Variants in ATF3 observed in about 807,000 individuals in gnomAD.
ATF3 encodes cyclic AMP-dependent transcription factor ATF-3.
A neutral mutation model predicts 18.4 loss-of-function variants in ATF3; 10 were observed. The observed-to-expected ratio is 0.54, with a 90% CI of 0.34 to 0.92. ATF3 has a LOEUF of 0.92. Among genes scored for constraint, ATF3 ranks in the 40% least tolerant of loss-of-function variants. ATF3 has a pLI of 0.02. For synonymous variants in ATF3, 78 were observed against 87.9 expected, an observed-to-expected ratio of 0.89 and a Z score of 0.63; for missense variants, 183 against 222.3, an observed-to-expected ratio of 0.82 and a Z score of 1.12.
At chr1:212,597,427 C>T (rs1038515385) in intron 1 of ATF3, among the ~76,000 whole-genome samples, 9 of 151,972 alleles carry the variant, frequency 5.9e-5, no homozygotes, top group African/African-American at 1.7e-4. Flanking sequence ...ATTTATCTAT[C>T]TATCTATCTA....
chr1:212,571,060 A>G (rs1664470374), intron 1 of ATF3, among the ~76,000 whole-genome samples: 1 of 152,220 alleles, frequency 6.6e-6, no homozygotes, highest in African/African-American at 2.4e-5. Context: ...CAAAGGTGTT[A>G]TACCATTGTA....
chr1:212,603,726 G>A (rs150992355), intron 1 of ATF3, among the ~76,000 whole-genome samples: 1 of 151,928 alleles, frequency 6.6e-6, no homozygotes, highest in South Asian at 2.1e-4. Flanking sequence ...TCTACTTCTT[G>A]AGTGGTGAGT....
upstream of ATF3, among the ~76,000 whole-genome samples, chr1:212,608,334 C>T (rs1571781926): frequency 8.3e-6 from 1 of 119,934 alleles, no homozygotes; most frequent in Admixed American, 1.1e-4. Context: ...ACCTTCCCCG[C>T]CCCCCCCGCT....
upstream of ATF3, among the ~76,000 whole-genome samples, chr1:212,604,637 C>A (rs1654570968): frequency 6.6e-6 from 1 of 152,126 alleles, no homozygotes; most frequent in South Asian, 2.1e-4. Flanking sequence ...CTATTCAGTG[C>A]CTTACCTATG....
chr1:212,569,099 AT>A (rs1664434399), intron 1 of ATF3, among the ~76,000 whole-genome samples: 1 of 152,062 alleles, frequency 6.6e-6, no homozygotes, highest in South Asian at 2.1e-4. Context: ...ACTTATTTGA[AT>A]TTTTCCCCTG....
intron 1 of ATF3, among the ~76,000 whole-genome samples, chr1:212,586,921 T>G (rs948337634): frequency 6.6e-6 from 1 of 152,186 alleles, no homozygotes; most frequent in Non-Finnish European, 1.5e-5. Context: ...GAAAGTACAA[T>G]GAGCAGCTTC....
At chr1:212,610,626 T>C (rs1218911664) in intron 1 of ATF3, among the ~76,000 whole-genome samples, 3 of 152,222 alleles carry the variant, frequency 2.0e-5, no homozygotes, top group Non-Finnish European at 4.4e-5. Flanking sequence ...TCTCTCTCTC[T>C]TCCTCCTTGC....
chr1:212,611,101 CATA>C (rs1456515077), intron 1 of ATF3, among the ~76,000 whole-genome samples: 1 of 152,218 alleles, frequency 6.6e-6, no homozygotes, highest in Non-Finnish European at 1.5e-5. Flanking sequence ...GGAGGAAGGA[CATA>C]GCCAAGATGC....
chr1:212,576,716 C>CTT lies in ATF3; in HGVS notation c.-5+11236_-5+11237dup, dbSNP rs761124416. Among the ~76,000 whole-genome samples the CTT allele has an allele frequency of 7.1e-3, 551 of 78,046 alleles. 48 individuals are homozygous for CTT. The highest frequency in any genetic ancestry group is 8.6e-3 in the African/African-American group (167 of 19,482). 51.2% of individuals were successfully genotyped at this position (78,046 alleles called of 152,430 possible). A position where few individuals can be genotyped will look rare whatever the true frequency, so the allele number is the denominator to read the frequency against. On this transcript the variant is annotated intron_variant, in intron 1 of 3. Transcript: ENST00000366981. ...TTATTAAAAAATATTCTTTTCTTTT[C>CTT]TTTTCTTTTTTTTTTTTTTTTTTTT...
In ATF3 at chr1:212,615,138, C is replaced by T. The variant is rs1655056578; in HGVS notation, c.117C>T (p.Pro39=). ...LVFEDFANLT[P]FVKEELRFAI... ...TTGAGGATTTTGCTAACCTGACGCC[C>T]TTTGTCAAGGAAGAGCTGAGGTTTG... The change falls in exon 2 of 4, where the codon CCC becomes CCT. Residue 39 remains proline, a synonymous_variant. Coordinates refer to ENST00000341491, the MANE Select transcript of ATF3 (RefSeq NM_001674.4). 3 of 1,614,068 alleles carry T rather than the reference C, an allele frequency of 1.9e-6. No individual in the cohort carries two copies. The highest frequency in any genetic ancestry group is 1.3e-5 in the African/African-American group (1 of 74,906).
chr1:212,583,378 A>C (rs1198001754), intron 1 of ATF3, among the ~76,000 whole-genome samples: 1 of 152,122 alleles, frequency 6.6e-6, no homozygotes, highest in Admixed American at 6.5e-5. Flanking sequence ...TCTCTTTATC[A>C]GTCAAGATGC....
At chr1:212,583,644 A>T (rs1057503546) in intron 1 of ATF3, among the ~76,000 whole-genome samples, 5 of 152,122 alleles carry the variant, frequency 3.3e-5, no homozygotes, top group Non-Finnish European at 7.4e-5. Context: ...AAACACGACC[A>T]CTGTCGGAAC....
intron 1 of ATF3, among the ~76,000 whole-genome samples, chr1:212,611,981 T>G (rs1314282460): frequency 2.0e-5 from 3 of 152,180 alleles, no homozygotes; most frequent in Non-Finnish European, 4.4e-5. Context: ...ATCTCAACTT[T>G]CTGAAAAATT....
upstream of ATF3, among the ~76,000 whole-genome samples, chr1:212,607,390 C>T (rs1654666911): frequency 6.6e-6 from 1 of 152,252 alleles, no homozygotes; most frequent in Non-Finnish European, 1.5e-5. Context: ...CTTGTGTCTA[C>T]AAATAGTCAT....
rs145316434 is a variant in ATF3 at position 212,581,565 on chromosome 1, C to T, written c.-5+16082C>T. On this transcript the variant is annotated intron_variant, in intron 1 of 3. Coordinates refer to the ATF3 transcript ENST00000366981. ...CAAAAACTGTTTGTGGTTCCTTAGA[C>T]ACTTGCACTGCAATAGAAAATTATA... is the stretch of plus-strand genomic sequence containing the variant. Among the ~76,000 whole-genome samples, 876 of 152,254 alleles carry T rather than the reference C, an allele frequency of 5.8e-3. 8 individuals carry two copies. Among genetic ancestry groups the T allele is most frequent in the African/African-American group, 0.02 (820 of 41,522 alleles).
chr1:212,608,003 G>A (rs1654694402), upstream of ATF3, among the ~76,000 whole-genome samples: 1 of 152,222 alleles, frequency 6.6e-6, no homozygotes, highest in African/African-American at 2.4e-5. Context: ...GAGTGTCCGG[G>A]GCTGCGGGCT....
chr1:212,581,022 G>T (rs1192620023), intron 1 of ATF3, among the ~76,000 whole-genome samples: 1 of 151,884 alleles, frequency 6.6e-6, no homozygotes, highest in Non-Finnish European at 1.5e-5. Context: ...GCCCAACTTG[G>T]CCTCCCAAAG....
chr1:212,602,906 C>A (rs1654520305), intron 1 of ATF3, among the ~76,000 whole-genome samples: 1 of 152,204 alleles, frequency 6.6e-6, no homozygotes, highest in Non-Finnish European at 1.5e-5. Context: ...CATTCAAATT[C>A]CACATATCTA....
At chr1:212,590,670 G>C (rs1294735087) in intron 1 of ATF3, among the ~76,000 whole-genome samples, 1 of 152,170 alleles carries the variant, frequency 6.6e-6, no homozygotes, top group Non-Finnish European at 1.5e-5. Context: ...TGTGAACACA[G>C]AGCCATAAAT....
Sources: gnomAD v4.1 joint callset for allele counts (sites outside exome capture counted in the v4.1 genomes callset) on GRCh38, gnomAD v4.1.1 for gene constraint, MANE v1.5 for transcripts, NCBI Gene and HGNC (gene_info 2026-07-23, HGNC 2026-07-21) for gene names.